ARHGAP18: variants seen among roughly 807,000 people sequenced by gnomAD.
ARHGAP18 encodes the protein rho GTPase-activating protein 18.
In ARHGAP18, 67 loss-of-function variants were observed where a neutral mutation model predicts 86.2. The observed-to-expected ratio is 0.78, with a 90% CI of 0.64 to 0.95. The LOEUF is 0.95. Among genes scored for constraint, ARHGAP18 ranks in the 40% least tolerant of loss-of-function variants. The probability of loss-of-function intolerance (pLI) is 0.00; values close to 1 mark genes in which losing one functional copy is unlikely to be tolerated. For missense variants in ARHGAP18, 691 were observed against 780.4 expected, an observed-to-expected ratio of 0.89 and a Z score of 1.37; for synonymous variants, 283 against 280.4, an observed-to-expected ratio of 1.01 and a Z score of -0.09.
chr6:129,642,146 T>C (rs866110919), intron 1 of ARHGAP18, 128 bp from the exon 2 acceptor site: 2 of 798,376 alleles, frequency 2.5e-6, no homozygotes, highest in Non-Finnish European at 4.0e-6. Flanking sequence ...ACTAAAGGAA[T>C]ATATATTTTG....
intron 7 of ARHGAP18, among the ~76,000 whole-genome samples, chr6:129,614,447 A>G (rs1253929968): frequency 6.6e-6 from 1 of 152,218 alleles, no homozygotes; most frequent in Non-Finnish European, 1.5e-5. Context: ...CTTTAGGGCC[A>G]TTATCCAATC....
rs186869101 is a variant in ARHGAP18 at position 129,643,857 on chromosome 6, C to G, written c.114-1839G>C. Among the ~76,000 whole-genome samples, 731 of 152,252 alleles carry G rather than the reference C, an allele frequency of 4.8e-3. 8 individuals carry two copies. Among genetic ancestry groups the G allele is most frequent in the African/African-American group, 0.016 (681 of 41,536 alleles). ...ACATAAGGGAGAGGGTCACTAAACT[C>G]TGGGCGAATCTATCCAGCAGCTTAA... is the stretch of plus-strand genomic sequence containing the variant. On this transcript the variant is annotated intron_variant, in intron 1 of 14. Coordinates refer to ENST00000368149, the MANE Select transcript of ARHGAP18 (RefSeq NM_033515.3).
At chr6:129,672,665 A>G (rs1467545915) in intron 1 of ARHGAP18, among the ~76,000 whole-genome samples, 3 of 152,246 alleles carry the variant, frequency 2.0e-5, no homozygotes, top group South Asian at 2.1e-4. Context: ...GCCTAATTCA[A>G]TCAACCTATA....
At chr6:129,668,871 T>C (rs1774093351) in intron 1 of ARHGAP18, among the ~76,000 whole-genome samples, 1 of 152,216 alleles carries the variant, frequency 6.6e-6, no homozygotes. Flanking sequence ...ATTGCAGGTT[T>C]TGAAGTCCAA....
intron 1 of ARHGAP18, among the ~76,000 whole-genome samples, chr6:129,680,415 C>T (rs1774305414): frequency 1.3e-5 from 2 of 152,320 alleles, no homozygotes; most frequent in South Asian, 4.1e-4. Context: ...TTAAATTATA[C>T]TGGGAAGTAC....
chr6:129,680,245 T>C (rs571345222), intron 1 of ARHGAP18, among the ~76,000 whole-genome samples: 1 of 151,904 alleles, frequency 6.6e-6, no homozygotes, highest in Non-Finnish European at 1.5e-5. Context: ...AGCCTAAGAA[T>C]GAAAAAGGGT....
chr6:129,592,394 G>A (rs1318726021), intron 12 of ARHGAP18, among the ~76,000 whole-genome samples: 1 of 152,154 alleles, frequency 6.6e-6, no homozygotes, highest in Admixed American at 6.5e-5. Context: ...CCAATGCCAG[G>A]ATTCTTCCAG....
At chr6:129,644,605 C>G (rs1037755453) in intron 1 of ARHGAP18, among the ~76,000 whole-genome samples, 3 of 152,266 alleles carry the variant, frequency 2.0e-5, no homozygotes, top group Admixed American at 6.5e-5. Flanking sequence ...CTCTTACCCC[C>G]CTGTGAGACC....
At chr6:129,625,670 T>TTATATATTTATATATTATATATATTTA (rs1451320827) in intron 5 of ARHGAP18, among the ~76,000 whole-genome samples, 1 of 42,402 alleles carries the variant, frequency 2.4e-5, no homozygotes, top group Admixed American at 4.4e-4. Context: ...TATATTTATA[T>TTATATATTTATATATTATATATATTTA]TATATTATAT....
chr6:129,635,253 C>T (rs771366762), intron 3 of ARHGAP18, among the ~76,000 whole-genome samples: 1 of 152,146 alleles, frequency 6.6e-6, no homozygotes, highest in East Asian at 1.9e-4. Flanking sequence ...CACATTTCAC[C>T]TCAAGCTGTT....
rs577594464 is a variant in ARHGAP18, at chr6:129,629,255, A to G, written c.786+98T>C. On this transcript the variant is annotated intron_variant, in intron 5 of 14. Coordinates refer to ENST00000368149, the MANE Select transcript of ARHGAP18 (RefSeq NM_033515.3). ...TCTGTCTCTCTCTCTCTCTATATAT[A>G]TATATATGTGTGTGTGCGTGTGTGT... The G allele has an allele frequency of 2.8e-4, 276 of 994,364 alleles. 1 individual carries two copies. In the African/African-American group the frequency reaches 4.4e-3, roughly 16 times the overall value. The allele number at this position is 994,364 out of a possible 1,614,324, so 61.6% of individuals were successfully genotyped here.
Position 129,618,784 on chromosome 6 carries a change from C to A in ARHGAP18, c.855G>T (p.Lys285Asn). The A allele has an allele frequency of 6.2e-7, 1 of 1,613,710 alleles. No individual in the cohort carries two copies. The highest frequency in any genetic ancestry group is 8.5e-7 in the Non-Finnish European group (1 of 1,179,910). The part of the protein sequence containing the change: ...RIGDLAPQDM[K>N]KVCHLALIEL... The stretch of plus-strand genomic sequence containing the variant: ...CAATTAGGGCTAAATGGCAAACTTT[C>A]TTCATGTCCTGGGGTGCGAGGTCAC... The change falls in exon 6 of 15, where the codon AAG (lysine) becomes AAT (asparagine). Residue 285 changes from lysine to asparagine, a missense_variant. Physicochemically the swap from Lys to Asn is moderately conservative, Grantham distance 94 (BLOSUM62 0). Coordinates refer to ENST00000368149, the MANE Select transcript of ARHGAP18 (RefSeq NM_033515.3).
chr6:129,625,038 T>A (rs1256401586), intron 5 of ARHGAP18, among the ~76,000 whole-genome samples: 5 of 28,744 alleles, frequency 1.7e-4, no homozygotes, highest in African/African-American at 1.4e-3. Context: ...GATATATATT[T>A]ATATAATATA....
chr6:129,640,398 A>G (rs1773430756), intron 2 of ARHGAP18, among the ~76,000 whole-genome samples: 1 of 152,328 alleles, frequency 6.6e-6, no homozygotes, highest in East Asian at 1.9e-4. Context: ...TTTCTCAAAC[A>G]TATTCTCTCC....
chr6:129,578,624 G>A lies in ARHGAP18; in HGVS notation c.1901-20C>T. 1 of 1,589,138 alleles carries A rather than the reference G, an allele frequency of 6.3e-7. No homozygotes were observed. Among genetic ancestry groups the A allele is most frequent in the Non-Finnish European group, 8.6e-7 (1 of 1,160,182 alleles). ...GTTCCCCTGTTAAAATAGATGTTGT[G>A]TCAGTTTAATACAGCAGGTAGATTG... On this transcript the variant is annotated intron_variant, in intron 14 of 14. Transcript: ENST00000368149.
intron 1 of ARHGAP18, among the ~76,000 whole-genome samples, chr6:129,670,384 G>A (rs1383335188): frequency 6.6e-6 from 1 of 152,132 alleles, no homozygotes; most frequent in Non-Finnish European, 1.5e-5. Context: ...AATATATTGT[G>A]CAAAGTTAAC....
At chr6:129,666,488 A>C (rs141511003) in intron 1 of ARHGAP18, among the ~76,000 whole-genome samples, 12 of 152,290 alleles carry the variant, frequency 7.9e-5, no homozygotes, top group African/African-American at 2.6e-4. Flanking sequence ...GGCCAATGGT[A>C]TACAGTATCC....
At chr6:129,583,849 G>T in intron 13 of ARHGAP18, 139 bp downstream of exon 13, 1 of 1,060,560 alleles carries the variant, frequency 9.4e-7, no homozygotes, top group Non-Finnish European at 1.3e-6. Context: ...CTGCTGGGAA[G>T]ACAATATTTT....
At position 129,610,474 on chromosome 6, in the gene ARHGAP18, C is replaced by A. The variant is rs1788953422; in HGVS notation, c.1122+1059G>T. Among the ~76,000 whole-genome samples, 3 of 152,320 alleles carry A rather than the reference C, an allele frequency of 2.0e-5. No homozygotes were observed. The South Asian group carries it at 6.2e-4, about 32-fold the overall frequency. ...GGAAGTCTAGGAATTATTCTTTCAC[C>A]AGCCAGACTCAGGCTACCCTGGATG... On this transcript the variant is annotated intron_variant, in intron 8 of 14. Coordinates refer to ENST00000368149, the MANE Select transcript of ARHGAP18 (RefSeq NM_033515.3).
Sources: allele counts gnomAD v4.1 joint callset (sites outside exome capture counted in the v4.1 genomes callset), GRCh38; gene constraint gnomAD v4.1.1; transcripts MANE v1.5; gene names NCBI Gene and HGNC (gene_info 2026-07-23, HGNC 2026-07-21).